ALLC: variants seen among roughly 807,000 people sequenced by gnomAD.
ALLC encodes the protein probable inactive allantoicase.
Under a neutral mutation model 45.0 loss-of-function variants are expected in ALLC, and 40 were observed. The ratio of observed to expected loss-of-function variants is 0.89; its 90% CI spans 0.69 to 1.16. ALLC has a LOEUF of 1.16. Ranked by LOEUF, ALLC falls within the 50% of genes most tolerant of loss-of-function variation. The pLI, the probability that ALLC is intolerant of heterozygous loss-of-function variation, is 0.00. For missense variants in ALLC, 488 were observed against 493.1 expected (o/e 0.99, Z 0.10); for synonymous variants, 176 against 178.1 (o/e 0.99, Z 0.09).
At position 3,671,179 on chromosome 2, in the gene ALLC, G is replaced by A. The variant is rs745607491; in HGVS notation, c.22G>A (p.Val8Ile). ...GCTGATGGACATGGCATCTGAATCC[G>A]TAGGAGGAAAAGTAAGTGGGTCTCT... MDMASES[V>I]GGKILFATDD... The change falls in exon 2 of 12, where the codon GTA becomes ATA. Residue 8 changes from valine to isoleucine, a missense_variant. Physicochemically the swap from Val to Ile is conservative, Grantham distance 29. Coordinates refer to ENST00000252505, the MANE Select transcript of ALLC (RefSeq NM_018436.4). 18 of 1,611,316 alleles carry A rather than the reference G, an allele frequency of 1.1e-5. No individual in the cohort carries two copies. The highest frequency in any genetic ancestry group is 1.7e-4 in the Middle Eastern group (1 of 6,060).
Position 3,686,659 on chromosome 2 carries a change from G to A in ALLC, c.511+3585G>A, listed in dbSNP as rs961170538. The stretch of plus-strand genomic sequence containing the variant: ...TTTCCTTGTATAGCTCTTTCACTTC[G>A]TAGGATAAATGGATTCCTCAGTATT... On this transcript the variant is annotated intron_variant, in intron 7 of 11. Transcript: ENST00000252505. Among the ~76,000 whole-genome samples the A allele has an allele frequency of 1.6e-4, 24 of 150,610 alleles. 4 individuals carry two copies. In the East Asian group the frequency reaches 2.0e-3, roughly 12 times the overall value.
chr2:3,661,641 T>G (rs1219678399), intron 1 of ALLC, among the ~76,000 whole-genome samples: 1 of 152,372 alleles, frequency 6.6e-6, no homozygotes, highest in East Asian at 1.9e-4. Context: ...CAAGGGTCAT[T>G]GCCCCTCTCA....
chr2:3,681,546 C>A, intron 5 of ALLC, 88 bp from the exon 6 acceptor site: 3 of 873,798 alleles, frequency 3.4e-6, no homozygotes, highest in Non-Finnish European at 5.3e-6. Flanking sequence ...ATTTGCAAAG[C>A]GAGAATTACC....
chr2:3,676,086 C>T (rs1667018661), intron 3 of ALLC, among the ~76,000 whole-genome samples: 1 of 152,264 alleles, frequency 6.6e-6, no homozygotes, highest in South Asian at 2.1e-4. Context: ...AAGTCCTCAT[C>T]TCCGAATACC....
chr2:3,702,293 G>A lies in ALLC; in HGVS notation c.976-70G>A, dbSNP rs1572539078. 2.2e-6 allele frequency: 3 copies of A among 1,389,332 alleles called. No individual in the cohort carries two copies. In the East Asian group the frequency reaches 7.4e-5, roughly 34 times the overall value. The allele number at this position is 1,389,332 out of a possible 1,614,324, so 86.1% of individuals were successfully genotyped here. On this transcript the variant is annotated intron_variant, in intron 11 of 11. Transcript: ENST00000252505. ...TAAGTCTAAGCCAAAGGTTTGCCCGGGCCGTGGGCTCATTCGGCCACACAT... is the reference window on the plus strand; with the variant it reads ...TAAGTCTAAGCCAAAGGTTTGCCCGAGCCGTGGGCTCATTCGGCCACACAT...
chr2:3,664,514 C>T (rs1393658405), intron 1 of ALLC, among the ~76,000 whole-genome samples: 3 of 152,080 alleles, frequency 2.0e-5, no homozygotes, highest in Non-Finnish European at 4.4e-5. Context: ...GAGTGGACAT[C>T]GATTTGTGGG....
chr2:3,679,501 A>G (rs1667114364), intron 4 of ALLC, among the ~76,000 whole-genome samples: 1 of 152,196 alleles, frequency 6.6e-6, no homozygotes, highest in Non-Finnish European at 1.5e-5. Flanking sequence ...GCTTTATGGA[A>G]GCTAACGGCA....
chr2:3,694,292 T>C (rs1295272324), intron 7 of ALLC, among the ~76,000 whole-genome samples: 1 of 152,158 alleles, frequency 6.6e-6, no homozygotes, highest in Non-Finnish European at 1.5e-5. Context: ...TGCATGCAGA[T>C]TTCATGTCCC....
At chr2:3,682,213 G>A (rs1558541944) in intron 6 of ALLC, among the ~76,000 whole-genome samples, 1 of 152,308 alleles carries the variant, frequency 6.6e-6, no homozygotes, top group South Asian at 2.1e-4. Flanking sequence ...AAACAGGGCC[G>A]TTAGTTTGAG....
intron 10 of ALLC, among the ~76,000 whole-genome samples, chr2:3,699,114 T>C (rs1469263788): frequency 6.6e-6 from 1 of 152,202 alleles, no homozygotes; most frequent in Non-Finnish European, 1.5e-5. Context: ...GGTGTACAGA[T>C]TATTTTATCA....
At position 3,695,761 on chromosome 2, in the gene ALLC, G is replaced by A. The variant is rs1338395218; in HGVS notation, c.556G>A (p.Asp186Asn). Reference protein sequence around the residue: ...RLRVFGTGQKDWTATDPKEPA... With the variant: ...RLRVFGTGQKNWTATDPKEPA... ...TAGAGTATTCGGTACTGGACAAAAA[G>A]ACTGGACTGCAACTGACCCCAAAGA... The change falls in exon 8 of 12, where the codon GAC (aspartate) becomes AAC (asparagine). Residue 186 changes from aspartate (D) to asparagine (N), a missense_variant. Transcript: ENST00000252505. 3.7e-6 allele frequency: 6 copies of A among 1,614,052 alleles called. No homozygotes were observed. The Admixed American group carries it at 1.0e-4, about 27-fold the overall frequency.
rs763324177 is a variant in ALLC, at chr2:3,671,142, G to A, written c.-16G>A. ...AGGAGGGAAGACTGACCCGGTTTCTGGACTTCACCCAGCTGATGGACATGG... is the reference window on the plus strand; with the variant it reads ...AGGAGGGAAGACTGACCCGGTTTCTAGACTTCACCCAGCTGATGGACATGG... On this transcript the variant is annotated 5_prime_UTR_variant, in exon 2 of 12. Coordinates refer to ENST00000252505, the MANE Select transcript of ALLC (RefSeq NM_018436.4). The A allele has an allele frequency of 4.3e-6, 7 of 1,610,072 alleles. No homozygotes were observed. Among genetic ancestry groups the A allele is most frequent in the African/African-American group, 1.3e-5 (1 of 74,894 alleles).
chr2:3,672,777 G>C (rs1312043324), intron 2 of ALLC, among the ~76,000 whole-genome samples: 1 of 152,180 alleles, frequency 6.6e-6, no homozygotes, highest in East Asian at 1.9e-4. Flanking sequence ...TTAGATCGGA[G>C]GTCCTCTGGC....
chr2:3,695,789 C>A lies in ALLC; in HGVS notation c.584C>A (p.Pro195His), dbSNP rs771135482. The A allele has an allele frequency of 6.2e-7, 1 of 1,614,034 alleles. No individual in the cohort carries two copies. Among genetic ancestry groups the A allele is most frequent in the Admixed American group, 1.7e-5 (1 of 60,028 alleles). ...KDWTATDPKE[P>H]ADLVAIAFGG... is the part of the protein sequence containing the mutation. ...TGGACTGCAACTGACCCCAAAGAAC[C>A]TGCAGACCTAGTGGCCATCGCTTTT... The change falls in exon 8 of 12, where the codon CCT becomes CAT. Residue 195 changes from proline to histidine, a missense_variant. Physicochemically the swap from Pro to His is moderately conservative, Grantham distance 77. Coordinates refer to ENST00000252505, the MANE Select transcript of ALLC (RefSeq NM_018436.4).
chr2:3,655,720 G>A (rs1040425341), upstream of ALLC, among the ~76,000 whole-genome samples: 17 of 152,164 alleles, frequency 1.1e-4, no homozygotes, highest in African/African-American at 3.4e-4. Flanking sequence ...TCAGCCTCCC[G>A]AAGTGCTGGG....
At chr2:3,676,284 T>C (rs10196296) in intron 3 of ALLC, among the ~76,000 whole-genome samples, 7,521 of 152,282 alleles carry the variant, frequency 0.049, 654 homozygotes, top group African/African-American at 0.17. Flanking sequence ...GCACACTTTT[T>C]TTGGTGGGGG....
At chr2:3,685,350 C>G (rs917482754) in intron 7 of ALLC, among the ~76,000 whole-genome samples, 8 of 150,724 alleles carry the variant, frequency 5.3e-5, no homozygotes, top group African/African-American at 1.9e-4. Flanking sequence ...TTCTACATGA[C>G]TGGGGAGGCC....
At chr2:3,653,129 G>A in the ALLC span, among the ~76,000 whole-genome samples, 1 of 152,204 alleles carries the variant, frequency 6.6e-6, no homozygotes, top group South Asian at 2.1e-4. This position sits in a 1 kb window ranked among gnomAD's most constrained non-coding sequence, Gnocchi z 4.1. Flanking sequence ...GCATTTTGGC[G>A]CTGCTTCAAA....
intron 10 of ALLC, 37 bp from the exon 11 acceptor site, chr2:3,701,475 T>C: frequency 6.5e-7 from 1 of 1,548,390 alleles, no homozygotes; most frequent in Non-Finnish European, 8.8e-7. Context: ...TGAGTGCAAA[T>C]GCGGGCAGAA....
Sources: gnomAD v4.1 joint callset for allele counts (sites outside exome capture counted in the v4.1 genomes callset) on GRCh38, gnomAD v4.1.1 for gene constraint, Gnocchi (gnomAD v3.1) non-coding constraint, MANE v1.5 for transcripts, NCBI Gene and HGNC (gene_info 2026-07-23, HGNC 2026-07-21) for gene names.